Variants in SPIDR observed in about 807,000 individuals in gnomAD.
SPIDR encodes scaffold protein involved in DNA repair.
In SPIDR, 93 loss-of-function variants were observed where a neutral mutation model predicts 104.6. The ratio of observed to expected loss-of-function variants is 0.89; its 90% CI spans 0.75 to 1.06. The LOEUF (loss-of-function observed/expected upper bound fraction) is 1.06, where lower values mean the gene tolerates loss of function less well. Among genes scored for constraint, SPIDR ranks in the 50% least tolerant of loss-of-function variants. The probability of loss-of-function intolerance (pLI) is 0.00; values close to 1 mark genes in which losing one functional copy is unlikely to be tolerated. For synonymous variants in SPIDR, 431 were observed against 416.9 expected (o/e 1.03, Z -0.41); for missense variants, 1,154 against 1,111.2 (o/e 1.04, Z -0.55).
intron 19 of SPIDR, among the ~76,000 whole-genome samples, chr8:47,733,323 G>A (rs2085576171): frequency 6.6e-6 from 1 of 152,140 alleles, no homozygotes. Flanking sequence ...GGAGGCAGAG[G>A]TTGCAGTGAG....
intron 19 of SPIDR, among the ~76,000 whole-genome samples, chr8:47,733,316 G>A (rs569248544): frequency 3.9e-5 from 6 of 152,334 alleles, no homozygotes; most frequent in Admixed American, 3.9e-4. Flanking sequence ...GAACCCAGGA[G>A]GCAGAGGTTG....
intron 5 of SPIDR, among the ~76,000 whole-genome samples, chr8:47,344,317 C>T (rs1172805890): frequency 1.3e-5 from 2 of 152,140 alleles, no homozygotes; most frequent in African/African-American, 4.8e-5. Flanking sequence ...TTTATGGCTG[C>T]ATGGTATTCC....
At chr8:47,726,911 C>T (rs550931510) in intron 16 of SPIDR, among the ~76,000 whole-genome samples, 10 of 152,088 alleles carry the variant, frequency 6.6e-5, no homozygotes, top group African/African-American at 9.7e-5. Flanking sequence ...GACTGAGGGC[C>T]GGCTCAGCTG....
At chr8:47,399,222 T>G (rs1554660694) in intron 6 of SPIDR, among the ~76,000 whole-genome samples, 1 of 152,062 alleles carries the variant, frequency 6.6e-6, no homozygotes. Context: ...AGGGGACAAC[T>G]GATGGAGTTG....
intron 11 of SPIDR, among the ~76,000 whole-genome samples, chr8:47,679,954 G>C (rs1052313112): frequency 6.6e-6 from 1 of 152,228 alleles, no homozygotes; most frequent in African/African-American, 2.4e-5. Context: ...TAGAACTTTT[G>C]TCAGCAAGAT....
At chr8:47,698,649 T>C (rs2079685368) in intron 11 of SPIDR, among the ~76,000 whole-genome samples, 1 of 152,216 alleles carries the variant, frequency 6.6e-6, no homozygotes, top group Admixed American at 6.5e-5. Context: ...AATAGAACTT[T>C]CCTATGGCTG....
intron 8 of SPIDR, among the ~76,000 whole-genome samples, chr8:47,456,769 C>T (rs888028334): frequency 6.6e-6 from 1 of 152,062 alleles, no homozygotes; most frequent in Non-Finnish European, 1.5e-5. Context: ...TCCCACCCTT[C>T]CCCAACCCCC....
chr8:47,407,828 A>C (rs890956652), intron 6 of SPIDR, 33 bp from the exon 7 acceptor site: 5 of 1,380,160 alleles, frequency 3.6e-6, no homozygotes, highest in East Asian at 2.3e-5. Context: ...TTTCCTTTTA[A>C]CTAAACTTAA....
At chr8:47,475,734 G>A (rs114987658) in intron 8 of SPIDR, among the ~76,000 whole-genome samples, 27 of 152,194 alleles carry the variant, frequency 1.8e-4, no homozygotes, top group African/African-American at 6.3e-4. Flanking sequence ...GAGCCAAGAA[G>A]ACACATATAA....
At position 47,377,771 on chromosome 8, in the gene SPIDR, A is replaced by G. The variant is rs1215504639; in HGVS notation, c.526-18605A>G. Among the ~76,000 whole-genome samples the G allele has an allele frequency of 3.3e-5, 5 of 152,214 alleles. No homozygotes were observed. In the East Asian group the frequency reaches 9.6e-4, roughly 29 times the overall value. On this transcript the variant is annotated intron_variant, in intron 5 of 19. Coordinates refer to ENST00000297423, the MANE Select transcript of SPIDR (RefSeq NM_001080394.4). ...GAATATTCCAAGAACTCAGTTCCCA[A>G]GTGGCCGCGTCAAGGGCCAGTCACC...
chr8:47,626,015 G>A (rs1039129060), intron 10 of SPIDR, among the ~76,000 whole-genome samples: 1 of 152,142 alleles, frequency 6.6e-6, no homozygotes, highest in Non-Finnish European at 1.5e-5. Context: ...AACCAAAACA[G>A]CATGGTACTG....
intron 8 of SPIDR, among the ~76,000 whole-genome samples, chr8:47,480,153 G>A (rs1229927124): frequency 1.3e-5 from 2 of 152,300 alleles, no homozygotes; most frequent in Admixed American, 1.3e-4. Flanking sequence ...GCCTAAGTTC[G>A]AGACCAGCCT....
intron 8 of SPIDR, among the ~76,000 whole-genome samples, chr8:47,587,844 T>C (rs2060434883): frequency 6.6e-6 from 1 of 151,096 alleles, no homozygotes; most frequent in African/African-American, 2.4e-5. Context: ...AGTATATTTC[T>C]GGGTTCTTCT....
intron 8 of SPIDR, among the ~76,000 whole-genome samples, chr8:47,535,571 C>T (rs1157166662): frequency 6.6e-6 from 1 of 152,012 alleles, no homozygotes; most frequent in South Asian, 2.1e-4. Context: ...ACCAAGTTTA[C>T]CATTCAAAAA....
intron 16 of SPIDR, among the ~76,000 whole-genome samples, chr8:47,721,003 C>T (rs2083319343): frequency 6.6e-6 from 1 of 152,162 alleles, no homozygotes; most frequent in African/African-American, 2.4e-5. Context: ...GGTGATCCAC[C>T]CACCTAGGCC....
intron 11 of SPIDR, 61 bp from the exon 12 acceptor site, chr8:47,700,342 C>G: frequency 6.4e-7 from 1 of 1,552,656 alleles, no homozygotes; most frequent in Non-Finnish European, 8.9e-7. Context: ...TACCAGCTCA[C>G]TGGCCAAGTA....
intron 5 of SPIDR, among the ~76,000 whole-genome samples, chr8:47,342,302 C>T (rs1199471620): frequency 6.0e-5 from 9 of 150,662 alleles, no homozygotes; most frequent in Non-Finnish European, 1.5e-5. Context: ...TATTTCTCAC[C>T]CATCTTCTAT....
chr8:47,359,329 T>G (rs1288878454), intron 5 of SPIDR, among the ~76,000 whole-genome samples: 5 of 152,156 alleles, frequency 3.3e-5, no homozygotes, highest in Non-Finnish European at 7.4e-5. Context: ...GCACATTCGA[T>G]GAAAGTTTCA....
intron 10 of SPIDR, among the ~76,000 whole-genome samples, chr8:47,666,088 AGTATTC>A (rs1181397595): frequency 1.3e-5 from 2 of 152,214 alleles, no homozygotes; most frequent in African/African-American, 4.8e-5. Context: ...CCAATTTTTA[AGTATTC>A]ATAGTTTTTG....
Sources: allele counts gnomAD v4.1 joint callset (sites outside exome capture counted in the v4.1 genomes callset), GRCh38; gene constraint gnomAD v4.1.1; transcripts MANE v1.5; gene names NCBI Gene and HGNC (gene_info 2026-07-23, HGNC 2026-07-21).